DNAH5: variants seen among roughly 807,000 people sequenced by gnomAD.
The protein encoded by DNAH5 is axonemal beta dynein heavy chain 5.
Under a neutral mutation model 518.2 loss-of-function variants are expected in DNAH5, and 372 were observed. That is an observed-to-expected ratio of 0.72 (90% CI 0.66 to 0.78). The LOEUF is 0.78. DNAH5 is among the 30% of genes least tolerant of loss of function. The pLI is 0.00. For synonymous variants in DNAH5, 2,039 were observed against 2,025.9 expected, an observed-to-expected ratio of 1.01 and a Z score of -0.17; for missense variants, 5,523 against 5,687.0, an observed-to-expected ratio of 0.97 and a Z score of 0.93.
At chr5:13,865,544 A>G in intron 27 of DNAH5, 124 bp downstream of exon 27, 1 of 762,020 alleles carries the variant, frequency 1.3e-6, no homozygotes, top group Non-Finnish European at 2.4e-6. Context: ...ATGTCAATGG[A>G]CAAGAACAAT....
chr5:13,921,475 T>TCTCACACACACACACACA (rs1554103992), intron 5 of DNAH5, among the ~76,000 whole-genome samples: 4 of 73,698 alleles, frequency 5.4e-5, no homozygotes, highest in Non-Finnish European at 5.9e-5. Context: ...TATCTCTCTC[T>TCTCACACACACACACACA]CACACACACA....
chr5:13,967,947 G>A (rs1781633957), intron 1 of DNAH5, among the ~76,000 whole-genome samples: 1 of 152,186 alleles, frequency 6.6e-6, no homozygotes, highest in African/African-American at 2.4e-5. Context: ...CCATCCATCA[G>A]CATGGGATGG....
rs1424487626 is a variant in DNAH5 at position 13,701,290 on chromosome 5, C to T, written c.13485G>A (p.Met4495Ile). The T allele has an allele frequency of 5.0e-6, 8 of 1,613,966 alleles. No individual in the cohort carries two copies. In the African/African-American group the frequency reaches 5.3e-5, roughly 11 times the overall value. ...FFNPQGFLTA[M>I]RQEITRANKG... ...TGCAAATCAGAGCTCTTACCTGTCG[C>T]ATTGCAGTTAAAAATCCCTGGGGGT... The change falls in exon 77 of 79, where the codon ATG becomes ATA. Residue 4495 changes from methionine to isoleucine, a missense_variant. By Grantham distance (10) the Met-to-Ile change is conservative. Coordinates refer to ENST00000265104, the MANE Select transcript of DNAH5 (RefSeq NM_001369.3).
At chr5:13,752,369 C>G (rs1038823576) in intron 63 of DNAH5, 80 bp from the exon 64 acceptor site, 42 of 1,493,348 alleles carry the variant, frequency 2.8e-5, no homozygotes, top group Non-Finnish European at 3.8e-5. Context: ...TCAAATGAAG[C>G]CTAAAGCATT....
chr5:13,795,481 C>T (rs1178302752), intron 47 of DNAH5, among the ~76,000 whole-genome samples: 1 of 151,980 alleles, frequency 6.6e-6, no homozygotes, highest in Non-Finnish European at 1.5e-5. Flanking sequence ...ACACATACAC[C>T]CTCCCAAGAC....
intron 6 of DNAH5, among the ~76,000 whole-genome samples, chr5:13,920,206 C>T (rs1053699895): frequency 3.9e-5 from 6 of 152,226 alleles, no homozygotes; most frequent in African/African-American, 1.4e-4. Context: ...CAGGGGTTCT[C>T]TCCAAAGTAA....
rs143357437 is a variant in DNAH5 at position 13,770,944 on chromosome 5, C to T, written c.9410G>A (p.Cys3137Tyr). The T allele has an allele frequency of 1.1e-4, 173 of 1,613,860 alleles. No individual in the cohort carries two copies. The African/African-American group carries it at 2.2e-3, about 20-fold the overall frequency. The change falls in exon 56 of 79, where the codon TGC becomes TAC. Residue 3137 changes from cysteine (C) to tyrosine (Y), a missense_variant. By Grantham distance (194) the Cys-to-Tyr change is radical. Coordinates refer to ENST00000265104, the MANE Select transcript of DNAH5 (RefSeq NM_001369.3). ...EHFLTSYDID[C>Y]SLEIKKEVVQ... ...CACCTCCTTCTTGATTTCCAAACTG[C>T]AGTCAATATCATAGGAAGTGAGGAA...
chr5:13,766,296 G>A, intron 58 of DNAH5, 117 bp from the exon 59 acceptor site: 1 of 1,057,808 alleles, frequency 9.5e-7, no homozygotes, highest in East Asian at 2.4e-5. Flanking sequence ...TAAGTTAGAT[G>A]CAGGCCACAG....
In DNAH5 at chr5:13,770,907, C is replaced by T; in HGVS notation, c.9447G>A (p.Met3149Ile). Residue 3149 changes from methionine (M) to isoleucine (I), a missense_variant, in exon 56 of 79, where the codon ATG (methionine) becomes ATA (isoleucine). Coordinates refer to ENST00000265104, the MANE Select transcript of DNAH5 (RefSeq NM_001369.3). The stretch of plus-strand genomic sequence containing the variant: ...CAGCCACCCCATCCTGGAAGGAGCC[C>T]ATGCATTGGACCACCTCCTTCTTGA... ...LEIKKEVVQCMGSFQDGVAEK... is the reference protein window; with the variant it reads ...LEIKKEVVQCIGSFQDGVAEK... 6.2e-7 allele frequency: 1 copy of T among 1,614,108 alleles called. No individual in the cohort carries two copies. The highest frequency in any genetic ancestry group is 2.2e-5 in the East Asian group (1 of 44,868).
At chr5:13,784,367 T>G (rs1755646236) in intron 52 of DNAH5, among the ~76,000 whole-genome samples, 1 of 152,204 alleles carries the variant, frequency 6.6e-6, no homozygotes, top group African/African-American at 2.4e-5. Context: ...AAATGTTATT[T>G]ATAGTTGGCT....
intron 9 of DNAH5, among the ~76,000 whole-genome samples, chr5:13,915,623 A>C (rs1776563756): frequency 6.6e-6 from 1 of 152,050 alleles, no homozygotes; most frequent in Non-Finnish European, 1.5e-5. Context: ...TGAGCTCTTA[A>C]GGCTGGATGT....
chr5:13,808,075 C>T (rs1302905654), intron 46 of DNAH5, among the ~76,000 whole-genome samples: 1 of 151,566 alleles, frequency 6.6e-6, no homozygotes, highest in Admixed American at 6.6e-5. Flanking sequence ...ACTAAAAATA[C>T]AAAAATTAGC....
chr5:13,855,946 A>C (rs1457111447), intron 30 of DNAH5, among the ~76,000 whole-genome samples: 2 of 152,250 alleles, frequency 1.3e-5, no homozygotes, highest in African/African-American at 4.8e-5. Flanking sequence ...CTTTGAAACC[A>C]ATGAGAACAA....
intron 63 of DNAH5, among the ~76,000 whole-genome samples, chr5:13,752,979 A>G (rs1750451722): frequency 1.3e-5 from 2 of 152,204 alleles, no homozygotes; most frequent in Non-Finnish European, 2.9e-5. Flanking sequence ...GTACTTATCA[A>G]AGAGAGCCCT....
intron 77 of DNAH5, 61 bp from the exon 78 acceptor site, chr5:13,700,932 T>G: frequency 6.6e-7 from 1 of 1,519,498 alleles, no homozygotes. Context: ...AGAAAGAGCA[T>G]AACAATAATG....
intron 2 of DNAH5, 48 bp downstream of exon 2, chr5:13,931,062 A>G (rs1778363833): frequency 1.2e-6 from 2 of 1,613,718 alleles, no homozygotes; most frequent in East Asian, 2.2e-5. Context: ...TCAACAGACC[A>G]TCTGTGCCCT....
chr5:13,778,596 A>AAGAAAAAGAAAGAAAG (rs768853052), intron 53 of DNAH5, among the ~76,000 whole-genome samples: 7 of 102,152 alleles, frequency 6.9e-5, no homozygotes, highest in African/African-American at 2.6e-4. Context: ...GAAAGAAAGA[A>AAGAAAAAGAAAGAAAG]AGAGAGAGAG....
chr5:13,723,694 T>C (rs1241534115), intron 70 of DNAH5, among the ~76,000 whole-genome samples: 1 of 152,246 alleles, frequency 6.6e-6, no homozygotes, highest in Admixed American at 6.5e-5. Context: ...CACTGAAATG[T>C]GAAAGTTATA....
chr5:13,783,518 T>C (rs906012822), intron 52 of DNAH5, among the ~76,000 whole-genome samples: 8 of 152,108 alleles, frequency 5.3e-5, no homozygotes, highest in African/African-American at 1.7e-4. Context: ...AGGATCATGA[T>C]TTGTTTACCC....
Sources: gnomAD v4.1 joint callset for allele counts (sites outside exome capture counted in the v4.1 genomes callset) on GRCh38, gnomAD v4.1.1 for gene constraint, MANE v1.5 for transcripts, NCBI Gene and HGNC (gene_info 2026-07-23, HGNC 2026-07-21) for gene names.